The following TBC1D10A variants were observed in gnomAD, a reference collection of about 807,000 sequenced individuals.
The protein encoded by TBC1D10A is TBC1 domain family member 10A.
Under a neutral mutation model 52.9 loss-of-function variants are expected in TBC1D10A, and 24 were observed. The ratio of observed to expected loss-of-function variants is 0.45; its 90% CI spans 0.33 to 0.64. The LOEUF (loss-of-function observed/expected upper bound fraction) is 0.64. TBC1D10A is among the 30% of genes least tolerant of loss of function. The pLI is 0.02. For synonymous variants in TBC1D10A, 278 were observed against 282.9 expected, an observed-to-expected ratio of 0.98 and a Z score of 0.17; for missense variants, 602 against 687.9, an observed-to-expected ratio of 0.88 and a Z score of 1.40.
At chr22:30,313,380 TGTG>T (rs1930467194) in intron 1 of TBC1D10A, among the ~76,000 whole-genome samples, 1 of 132,896 alleles carries the variant, frequency 7.5e-6, no homozygotes, top group Non-Finnish European at 1.7e-5. Context: ...TGTGTGTGTG[TGTG>T]TGTTGTTATT....
At chr22:30,300,110 T>G (rs4823088) in intron 2 of TBC1D10A, among the ~76,000 whole-genome samples, 1 of 152,110 alleles carries the variant, frequency 6.6e-6, no homozygotes, top group Non-Finnish European at 1.5e-5. Context: ...TTCCTGAGGT[T>G]TGCCATGGAA....
intron 1 of TBC1D10A, among the ~76,000 whole-genome samples, chr22:30,310,233 T>C (rs1466529196): frequency 2.0e-5 from 3 of 152,204 alleles, no homozygotes; most frequent in African/African-American, 7.2e-5. Context: ...TCATCTCTTA[T>C]AGGGCTGCAA....
intron 2 of TBC1D10A, among the ~76,000 whole-genome samples, chr22:30,301,901 C>A (rs576288286): frequency 1.3e-5 from 2 of 152,132 alleles, no homozygotes; most frequent in South Asian, 2.1e-4. Flanking sequence ...GAGTTTCCTG[C>A]GGCTATGGGA....
intron 1 of TBC1D10A, 137 bp from the exon 2 acceptor site, chr22:30,304,767 C>T (rs1300381736): frequency 6.3e-6 from 9 of 1,424,668 alleles, no homozygotes; most frequent in Non-Finnish European, 8.3e-6. Context: ...ACTGCTACCT[C>T]GGACCATCCT....
At chr22:30,295,935 C>T (rs1930072481) in intron 3 of TBC1D10A, 92 bp from the exon 4 acceptor site, 2 of 1,170,942 alleles carry the variant, frequency 1.7e-6, no homozygotes, top group Non-Finnish European at 2.4e-6. Flanking sequence ...GGAGGGGGCC[C>T]TCCACCAGGG....
intron 3 of TBC1D10A, 118 bp from the exon 4 acceptor site, chr22:30,295,961 G>T: frequency 1.2e-6 from 1 of 850,466 alleles, no homozygotes; most frequent in Non-Finnish European, 1.8e-6. Flanking sequence ...GCCCACCCAA[G>T]CCCATCACAG....
At chr22:30,307,790 C>T (rs1930339482) in intron 1 of TBC1D10A, 1 of 152,190 alleles carries the variant, frequency 6.6e-6, no homozygotes, top group Admixed American at 6.5e-5. Context: ...ACATCATTCT[C>T]CCCTTTTTAT....
chr22:30,306,471 A>G (rs765299864), intron 1 of TBC1D10A, among the ~76,000 whole-genome samples: 4 of 152,244 alleles, frequency 2.6e-5, no homozygotes, highest in Non-Finnish European at 5.9e-5. Context: ...CTGATGCCAG[A>G]TAACAGCTTT....
chr22:30,301,034 G>C (rs893329674), intron 2 of TBC1D10A, among the ~76,000 whole-genome samples: 2 of 152,138 alleles, frequency 1.3e-5, no homozygotes, highest in Non-Finnish European at 2.9e-5. Context: ...TGAGGGTAGG[G>C]GAAAATTCGT....
At chr22:30,304,686 C>T in intron 1 of TBC1D10A, 56 bp from the exon 2 acceptor site, 1 of 1,594,328 alleles carries the variant, frequency 6.3e-7, no homozygotes, top group South Asian at 1.1e-5. Context: ...AAGGCCCTGG[C>T]TTCATTCCCA....
intron 1 of TBC1D10A, among the ~76,000 whole-genome samples, chr22:30,310,568 C>T (rs1437171151): frequency 6.6e-6 from 1 of 152,142 alleles, no homozygotes; most frequent in Non-Finnish European, 1.5e-5. Flanking sequence ...TCATCTGTAA[C>T]CCAGGAGGAA....
At position 30,326,164 on chromosome 22, in the gene TBC1D10A, GCAGT is replaced by G. The variant is rs551265680; in HGVS notation, c.209+505_209+508del. Among the ~76,000 whole-genome samples, 664 of 150,468 alleles carry G rather than the reference GCAGT, an allele frequency of 4.4e-3. 2 individuals are homozygous for G. Among genetic ancestry groups the G allele is most frequent in the Non-Finnish European group, 6.0e-3 (404 of 67,614 alleles). On this transcript the variant is annotated intron_variant, in intron 1 of 8. Coordinates refer to ENST00000215790, the MANE Select transcript of TBC1D10A (RefSeq NM_031937.3). ...TGTCCTGGGAAGGGGTGGGGGCGGG[GCAGT>G]CAGTCCTGAAGTCGGTCTGAGGTCT...
chr22:30,312,976 T>C (rs1930455643), intron 1 of TBC1D10A, among the ~76,000 whole-genome samples: 1 of 152,024 alleles, frequency 6.6e-6, no homozygotes, highest in Non-Finnish European at 1.5e-5. Context: ...CACAGGAGCA[T>C]GTAGAAGGGG....
At chr22:30,311,573 G>A (rs1304444992) in intron 1 of TBC1D10A, among the ~76,000 whole-genome samples, 1 of 152,172 alleles carries the variant, frequency 6.6e-6, no homozygotes, top group Admixed American at 6.5e-5. Context: ...AGTGCACAAT[G>A]GTAAACAGGT....
intron 1 of TBC1D10A, among the ~76,000 whole-genome samples, chr22:30,317,909 G>C (rs1323909875): frequency 6.6e-6 from 1 of 152,166 alleles, no homozygotes; most frequent in Non-Finnish European, 1.5e-5. Flanking sequence ...TAAGTGCTGG[G>C]TGAAAAAAAC....
At position 30,308,830 on chromosome 22, in the gene TBC1D10A, G is replaced by A. The variant is rs577425375; in HGVS notation, c.210-4200C>T. 9.8e-5 allele frequency among the ~76,000 whole-genome samples: 15 copies of A among 152,286 alleles called. No homozygotes were observed. The South Asian group carries it at 1.2e-3, about 13-fold the overall frequency. ...GCTACTTCTGCCTTAGAAATTGTACGTGTCCCTCTAATAGCCCAGTGAAGT... is the reference window on the plus strand; with the variant it reads ...GCTACTTCTGCCTTAGAAATTGTACATGTCCCTCTAATAGCCCAGTGAAGT... On this transcript the variant is annotated intron_variant, in intron 1 of 8. Coordinates refer to ENST00000215790, the MANE Select transcript of TBC1D10A (RefSeq NM_031937.3).
At chr22:30,299,015 C>T (rs1488223482) in intron 3 of TBC1D10A, 2 of 162,426 alleles carry the variant, frequency 1.2e-5, no homozygotes, top group African/African-American at 4.8e-5. Flanking sequence ...GGCCGGGAGA[C>T]ACTGAAGGAC....
chr22:30,323,339 A>T (rs1490158656), intron 1 of TBC1D10A, among the ~76,000 whole-genome samples: 1 of 152,234 alleles, frequency 6.6e-6, no homozygotes, highest in Non-Finnish European at 1.5e-5. Context: ...GGTAATGACA[A>T]CATATTCTTA....
chr22:30,307,315 GAGGGAGTCTCTGA>G (rs1930329000), intron 1 of TBC1D10A, among the ~76,000 whole-genome samples: 1 of 152,220 alleles, frequency 6.6e-6, no homozygotes, highest in Non-Finnish European at 1.5e-5. Context: ...AAGGTAGACT[GAGGGAGTCTCTGA>G]AGCCAAAAGA....
Sources: gnomAD v4.1 joint callset for allele counts (sites outside exome capture counted in the v4.1 genomes callset) on GRCh38, gnomAD v4.1.1 for gene constraint, MANE v1.5 for transcripts, NCBI Gene and HGNC (gene_info 2026-07-23, HGNC 2026-07-21) for gene names.